Variants in EGFLAM observed in about 807,000 individuals in gnomAD.
The protein encoded by EGFLAM is pikachurin.
A neutral mutation model predicts 113.1 loss-of-function variants in EGFLAM; 79 were observed. That is an observed-to-expected ratio of 0.70 (90% CI 0.58 to 0.84). The LOEUF (loss-of-function observed/expected upper bound fraction) is 0.84. Among genes scored for constraint, EGFLAM ranks in the 40% least tolerant of loss-of-function variants. The probability of loss-of-function intolerance (pLI) is 0.00; values close to 1 mark genes in which losing one functional copy is unlikely to be tolerated. For synonymous variants in EGFLAM, 504 were observed against 487.6 expected (o/e 1.03, Z -0.44); for missense variants, 1,265 against 1,291.6 (o/e 0.98, Z 0.32).
chr5:38,403,840 T>G (rs373714860), intron 6 of EGFLAM: 51 of 1,613,696 alleles, frequency 3.2e-5, no homozygotes, highest in Non-Finnish European at 4.2e-5. Flanking sequence ...TGTGAAGACA[T>G]CTGGCACACA....
chr5:38,315,443 A>G (rs1412800774), intron 1 of EGFLAM, among the ~76,000 whole-genome samples: 1 of 152,222 alleles, frequency 6.6e-6, no homozygotes, highest in East Asian at 1.9e-4. Context: ...ACCACCATTC[A>G]TCGCACAATA....
intron 3 of EGFLAM, among the ~76,000 whole-genome samples, chr5:38,347,434 A>C (rs1739500453): frequency 6.6e-6 from 1 of 152,186 alleles, no homozygotes; most frequent in African/African-American, 2.4e-5. Flanking sequence ...AGCATTGCTC[A>C]GATTGGGGTG....
At chr5:38,438,808 G>A (rs1742441675) in intron 17 of EGFLAM, among the ~76,000 whole-genome samples, 1 of 152,174 alleles carries the variant, frequency 6.6e-6, no homozygotes, top group African/African-American at 2.4e-5. Flanking sequence ...AGCCTATCCT[G>A]ATAGATGAAT....
intron 20 of EGFLAM, among the ~76,000 whole-genome samples, chr5:38,458,941 C>G (rs1743179922): frequency 6.6e-6 from 1 of 151,820 alleles, no homozygotes; most frequent in Admixed American, 6.6e-5. Context: ...CCATTGCACT[C>G]CAGCCTGGGT....
At chr5:38,366,957 A>G (rs1020670177) in intron 5 of EGFLAM, among the ~76,000 whole-genome samples, 7 of 152,156 alleles carry the variant, frequency 4.6e-5, no homozygotes, top group African/African-American at 1.7e-4. Flanking sequence ...TGATTAAGTG[A>G]ATTGATGAAT....
chr5:38,452,498 A>G (rs1159295956), intron 19 of EGFLAM, among the ~76,000 whole-genome samples: 2 of 152,126 alleles, frequency 1.3e-5, no homozygotes. Context: ...CATGTTCCCT[A>G]CTCATAAATT....
At chr5:38,269,357 C>T (rs1290583286) in intron 1 of EGFLAM, among the ~76,000 whole-genome samples, 1 of 152,096 alleles carries the variant, frequency 6.6e-6, no homozygotes, top group African/African-American at 2.4e-5. Context: ...GTAGAATATT[C>T]AGTAAGGGTT....
At chr5:38,416,983 G>A (rs1275724944) in intron 11 of EGFLAM, among the ~76,000 whole-genome samples, 1 of 152,094 alleles carries the variant, frequency 6.6e-6, no homozygotes, top group Non-Finnish European at 1.5e-5. Flanking sequence ...CATTTTATAA[G>A]TTCTGGCAGC....
intron 15 of EGFLAM, 110 bp from the exon 16 acceptor site, chr5:38,435,027 C>T (rs1210530169): frequency 2.4e-6 from 2 of 833,222 alleles, no homozygotes; most frequent in African/African-American, 1.7e-5. Context: ...TGATGGGTCT[C>T]TAGGCTCTGT....
chr5:38,360,670 A>T (rs1361956207), intron 5 of EGFLAM, among the ~76,000 whole-genome samples: 1 of 152,150 alleles, frequency 6.6e-6, no homozygotes, highest in African/African-American at 2.4e-5. Flanking sequence ...ATGAAATTAC[A>T]TGAGTTGACA....
chr5:38,303,986 A>T (rs957370511), intron 1 of EGFLAM, among the ~76,000 whole-genome samples: 2 of 151,824 alleles, frequency 1.3e-5, no homozygotes, highest in Non-Finnish European at 2.9e-5. Flanking sequence ...AAAGTAAAAA[A>T]AATTAGCCAG....
At chr5:38,452,173 A>T (rs1159748447) in intron 19 of EGFLAM, among the ~76,000 whole-genome samples, 1 of 150,920 alleles carries the variant, frequency 6.6e-6, no homozygotes, top group Non-Finnish European at 1.5e-5. Context: ...AGTAGCTGGG[A>T]TTATAGCACG....
intron 5 of EGFLAM, among the ~76,000 whole-genome samples, chr5:38,353,273 A>T (rs532301948): frequency 6.6e-6 from 1 of 152,362 alleles, no homozygotes; most frequent in South Asian, 2.1e-4. Context: ...AAGAATTCCC[A>T]ATCTAAGATA....
intron 1 of EGFLAM, among the ~76,000 whole-genome samples, chr5:38,304,758 C>A (rs1314242923): frequency 3.3e-5 from 5 of 152,096 alleles, no homozygotes; most frequent in Non-Finnish European, 7.4e-5. Flanking sequence ...TAAAAGCCAA[C>A]ACCAGAAAGT....
rs528413531 is a variant in EGFLAM at position 38,384,826 on chromosome 5, A to G, written c.712+14364A>G. 1.2e-3 allele frequency among the ~76,000 whole-genome samples: 181 copies of G among 152,244 alleles called. 5 individuals are homozygous for G. The South Asian group carries it at 0.036, about 30-fold the overall frequency. On this transcript the variant is annotated intron_variant, in intron 6 of 21. Coordinates refer to ENST00000322350, the MANE Select transcript of EGFLAM (RefSeq NM_152403.4). ...ATGCTCAAAAGTATTTGGGGGCACAATAGAGTGGTAGATTTCAACTGGGGG... is the reference window on the plus strand; with the variant it reads ...ATGCTCAAAAGTATTTGGGGGCACAGTAGAGTGGTAGATTTCAACTGGGGG...
chr5:38,385,913 C>T (rs1740648140), intron 6 of EGFLAM, among the ~76,000 whole-genome samples: 1 of 152,168 alleles, frequency 6.6e-6, no homozygotes, highest in Admixed American at 6.5e-5. Context: ...ACGGTATAGC[C>T]TACAGCACGC....
At chr5:38,290,583 A>T (rs557110683) in intron 1 of EGFLAM, 1 of 152,164 alleles carries the variant, frequency 6.6e-6, no homozygotes, top group African/African-American at 2.4e-5. Context: ...TAACCAAAAA[A>T]AAAATGGATT....
chr5:38,438,256 T>C lies in EGFLAM; in HGVS notation c.2284-19T>C, dbSNP rs754659905. 3.5e-5 allele frequency: 56 copies of C among 1,597,568 alleles called. No homozygotes were observed. The highest frequency in any genetic ancestry group is 2.0e-4 in the South Asian group (18 of 88,124). Reference sequence around the variant, plus strand: ...ATGTTTCTTAATTCCTGAATTTCTTTATGTTTTTCTCTCTCAAGATCATCC... The same window carrying C: ...ATGTTTCTTAATTCCTGAATTTCTTCATGTTTTTCTCTCTCAAGATCATCC... On this transcript the variant is annotated intron_variant, in intron 16 of 21. Coordinates refer to ENST00000322350, the MANE Select transcript of EGFLAM (RefSeq NM_152403.4).
At position 38,418,069 on chromosome 5, in the gene EGFLAM, C is replaced by A. The variant is rs748556567; in HGVS notation, c.1498C>A (p.Gln500Lys). The change falls in exon 12 of 22, where the codon CAA becomes AAA. Residue 500 changes from glutamine (Q) to lysine (K), a missense_variant. Physicochemically the swap from Gln to Lys is moderately conservative, Grantham distance 53. Transcript: ENST00000322350. ...TGAGTGGTCATCTTTCTTAAAGGGC[C>A]AATACAGTAAAATTACTTTCCGGAC... ...GTPVTGQSQG[Q>K]YSKITFRTPL... 6.2e-7 allele frequency: 1 copy of A among 1,612,942 alleles called. No individual in the cohort carries two copies. The highest frequency in any genetic ancestry group is 1.7e-5 in the Admixed American group (1 of 59,914).
Sources: gnomAD v4.1 joint callset for allele counts (sites outside exome capture counted in the v4.1 genomes callset) on GRCh38, gnomAD v4.1.1 for gene constraint, MANE v1.5 for transcripts, NCBI Gene and HGNC (gene_info 2026-07-23, HGNC 2026-07-21) for gene names.